SEMA4A: variants seen among roughly 807,000 people sequenced by gnomAD.
SEMA4A encodes the protein semaphorin-4A.
SEMA4A carries 52 observed loss-of-function variants against 72.5 expected under a neutral mutation model. That is an observed-to-expected ratio of 0.72 (90% CI 0.57 to 0.90). The LOEUF (loss-of-function observed/expected upper bound fraction) is 0.90, where lower values mean the gene tolerates loss of function less well. Among genes scored for constraint, SEMA4A ranks in the 40% least tolerant of loss-of-function variants. SEMA4A has a pLI of 0.00. For synonymous variants in SEMA4A, 369 were observed against 393.1 expected (o/e 0.94, Z 0.73); for missense variants, 926 against 959.7 (o/e 0.96, Z 0.46).
chr1:156,154,664 C>T lies in SEMA4A; in HGVS notation c.86C>T (p.Thr29Met), dbSNP rs1045906206. Residue 29 changes from threonine (T) to methionine (M), a missense_variant, in exon 2 of 15, where the codon ACG becomes ATG. Coordinates refer to ENST00000368285, the MANE Select transcript of SEMA4A (RefSeq NM_022367.4). ...CTGCTTCAGCTGCTGCTGCCGACGACGACCGCGGGGGGAGGCGGGCAGGGG... is the reference window on the plus strand; with the variant it reads ...CTGCTTCAGCTGCTGCTGCCGACGATGACCGCGGGGGGAGGCGGGCAGGGG... ...FQLLQLLLPTTTAGGGGQGPM... is the reference protein window; with the variant it reads ...FQLLQLLLPTMTAGGGGQGPM... The T allele has an allele frequency of 1.7e-5, 27 of 1,603,622 alleles. No individual in the cohort carries two copies. The highest frequency in any genetic ancestry group is 9.3e-5 in the African/African-American group (7 of 74,892).
At position 156,161,045 on chromosome 1, in the gene SEMA4A, G is replaced by A. The variant is rs767895304; in HGVS notation, c.810+16G>A. 4.6e-6 allele frequency: 7 copies of A among 1,517,222 alleles called. No individual in the cohort carries two copies. The highest frequency in any genetic ancestry group is 1.1e-5 in the South Asian group (1 of 88,674). 94.0% of individuals were successfully genotyped at this position (1,517,222 alleles called of 1,614,324 possible). A position where few individuals can be genotyped will look rare whatever the true frequency, so the allele number is the denominator to read the frequency against. The stretch of plus-strand genomic sequence containing the variant: ...AGTCTGCAAGGTCCGCGGCCTGGGC[G>A]GGGGGCGGGGCTAACTGGAGGAGAA... On this transcript the variant is annotated intron_variant, in intron 8 of 14. Coordinates refer to ENST00000368285, the MANE Select transcript of SEMA4A (RefSeq NM_022367.4).
chr1:156,156,597 G>A, intron 3 of SEMA4A, 23 bp downstream of exon 3: 1 of 1,613,284 alleles, frequency 6.2e-7, no homozygotes, highest in Non-Finnish European at 8.5e-7. Flanking sequence ...GGGATAAAGA[G>A]TGTGGGCTGG....
At chr1:156,171,852 C>G (rs1320548693) in intron 10 of SEMA4A, among the ~76,000 whole-genome samples, 1 of 151,632 alleles carries the variant, frequency 6.6e-6, no homozygotes, top group Non-Finnish European at 1.5e-5. Context: ...GGCGCAATCT[C>G]GGCTCACTGC....
In SEMA4A at chr1:156,157,937, C is replaced by A; in HGVS notation, c.301-133C>A. ...CCATGGTCACAAACTGATGTTATTA[C>A]TGCCCATCAGCATGTCACTAACCAC... On this transcript the variant is annotated intron_variant, in intron 3 of 14. Transcript: ENST00000368285. The surrounding 1 kb of genome is among the most constrained non-coding windows in gnomAD (Gnocchi z 4.5). 1 of 815,210 alleles carries A rather than the reference C, an allele frequency of 1.2e-6. No homozygotes were observed. Among genetic ancestry groups the A allele is most frequent in the Non-Finnish European group, 2.1e-6 (1 of 475,086 alleles). The allele number at this position is 815,210 out of a possible 1,614,324, so 50.5% of individuals were successfully genotyped here. A position where few individuals can be genotyped will look rare whatever the true frequency, so the allele number is the denominator to read the frequency against.
At chr1:156,173,937 C>T (rs1054670204) in intron 11 of SEMA4A, among the ~76,000 whole-genome samples, 2 of 152,074 alleles carry the variant, frequency 1.3e-5, no homozygotes, top group Non-Finnish European at 2.9e-5. Flanking sequence ...TTGTGAAACC[C>T]GTTTCTACTA....
intron 10 of SEMA4A, among the ~76,000 whole-genome samples, chr1:156,170,189 C>T (rs567881099): frequency 2.6e-5 from 4 of 151,916 alleles, no homozygotes; most frequent in African/African-American, 2.4e-5. Flanking sequence ...TGGGTCCAGG[C>T]GTGGTGGCTC....
intron 14 of SEMA4A, 100 bp from the exon 15 acceptor site, chr1:156,176,305 A>C: frequency 1.0e-6 from 1 of 984,112 alleles, no homozygotes; most frequent in East Asian, 2.6e-5. Flanking sequence ...CAAAAAAAAA[A>C]AAAAAAGAGG....
rs918635466 is a variant in SEMA4A, at chr1:156,177,147, T to C, written c.*150T>C. ...TGCTACTCTGCATCACTGATGACAC[T>C]CAGCAGGGTGATGCACAGCAGTCTG... On this transcript the variant is annotated 3_prime_UTR_variant, in exon 15 of 15. Coordinates refer to ENST00000368285, the MANE Select transcript of SEMA4A (RefSeq NM_022367.4). 2 of 748,788 alleles carry C rather than the reference T, an allele frequency of 2.7e-6. No individual in the cohort carries two copies. The highest frequency in any genetic ancestry group is 4.6e-6 in the Non-Finnish European group (2 of 431,562). 46.4% of individuals were successfully genotyped at this position (748,788 alleles called of 1,614,324 possible).
chr1:156,148,864 A>G (rs1393879867), upstream of SEMA4A, among the ~76,000 whole-genome samples: 1 of 140,390 alleles, frequency 7.1e-6, no homozygotes, highest in Non-Finnish European at 1.5e-5. Flanking sequence ...GTGCAATGGC[A>G]TGATCTCGGC....
intron 8 of SEMA4A, 42 bp from the exon 9 acceptor site, chr1:156,161,304 C>T: frequency 1.5e-6 from 1 of 689,372 alleles, no homozygotes; most frequent in African/African-American, 2.9e-5. Flanking sequence ...GCTGGGGGGT[C>T]GGGGCGCCCG....
upstream of SEMA4A, among the ~76,000 whole-genome samples, chr1:156,149,403 G>A (rs1652360066): frequency 6.6e-6 from 1 of 152,200 alleles, no homozygotes; most frequent in Admixed American, 6.5e-5. Flanking sequence ...AGCCACAGAA[G>A]GCTTCTGGGG....
rs202048433 is a variant in SEMA4A at position 156,176,698 on chromosome 1, G to T, written c.1987G>T (p.Val663Phe). The T allele has an allele frequency of 6.2e-7, 1 of 1,613,984 alleles. No individual in the cohort carries two copies. Among genetic ancestry groups the T allele is most frequent in the South Asian group, 1.1e-5 (1 of 91,086 alleles). Residue 663 changes from valine to phenylalanine, a missense_variant, in exon 15 of 15, where the codon GTC becomes TTC. By Grantham distance (50) the Val-to-Phe change is conservative. Transcript: ENST00000368285. ...LAGIPREHVK[V>F]PLTRVSGGAA... The stretch of plus-strand genomic sequence containing the variant: ...AGGCATCCCCCGGGAGCATGTGAAG[G>T]TCCCGTTGACCAGGGTCAGTGGTGG...
intron 10 of SEMA4A, among the ~76,000 whole-genome samples, chr1:156,167,427 C>A (rs1353849538): frequency 6.9e-6 from 1 of 144,518 alleles, no homozygotes; most frequent in Non-Finnish European, 1.5e-5. Flanking sequence ...GAGGTCGAGG[C>A]TGCACCCCAC....
chr1:156,164,787 G>A (rs1482669553), intron 10 of SEMA4A, among the ~76,000 whole-genome samples: 1 of 151,618 alleles, frequency 6.6e-6, no homozygotes, highest in Admixed American at 6.6e-5. Context: ...TGTTTTCTAA[G>A]CTTTTTATTT....
At chr1:156,163,514 G>A (rs975763235) in intron 10 of SEMA4A, among the ~76,000 whole-genome samples, 11 of 151,978 alleles carry the variant, frequency 7.2e-5, no homozygotes, top group Non-Finnish European at 1.5e-4. Flanking sequence ...TTGAGGTCAG[G>A]AGTTTGAGAA....
intron 8 of SEMA4A, 30 bp from the exon 9 acceptor site, chr1:156,161,316 G>A: frequency 1.7e-6 from 2 of 1,209,536 alleles, no homozygotes; most frequent in Non-Finnish European, 2.3e-6. Flanking sequence ...GGGCGCCCGG[G>A]GCGCCCCCTG....
intron 8 of SEMA4A, 38 bp from the exon 9 acceptor site, chr1:156,161,308 G>GCGGGGGA (rs773462218): frequency 1.8e-6 from 2 of 1,082,016 alleles, no homozygotes; most frequent in Non-Finnish European, 1.3e-6. Context: ...GGGGGTCGGG[G>GCGGGGGA]CGCCCGGGGC....
At chr1:156,148,083 C>G (rs907507188), upstream of SEMA4A, among the ~76,000 whole-genome samples, 2 of 152,200 alleles carry the variant, frequency 1.3e-5, no homozygotes, top group African/African-American at 4.8e-5. Context: ...ATAGGCTCCC[C>G]CATTCCCTTG....
At chr1:156,147,863 A>G (rs1216382340), upstream of SEMA4A, among the ~76,000 whole-genome samples, 1 of 152,148 alleles carries the variant, frequency 6.6e-6, no homozygotes, top group East Asian at 1.9e-4. Context: ...TCTCCACCCC[A>G]CAGAACTGCA....
Sources: gnomAD v4.1 joint callset for allele counts (sites outside exome capture counted in the v4.1 genomes callset) on GRCh38, gnomAD v4.1.1 for gene constraint, Gnocchi (gnomAD v3.1) non-coding constraint, MANE v1.5 for transcripts, NCBI Gene and HGNC (gene_info 2026-07-23, HGNC 2026-07-21) for gene names.